The following RAB3IP variants were observed in gnomAD, a reference collection of about 807,000 sequenced individuals.
RAB3IP encodes the protein rab-3A-interacting protein.
RAB3IP carries 36 observed loss-of-function variants against 59.1 expected under a neutral mutation model. That is an observed-to-expected ratio of 0.61 (90% confidence interval 0.47 to 0.80). The LOEUF (loss-of-function observed/expected upper bound fraction) is 0.80. RAB3IP is among the 30% of genes least tolerant of loss of function. RAB3IP has a pLI of 0.00. For missense variants in RAB3IP, 511 were observed against 536.0 expected (o/e 0.95, Z 0.46); for synonymous variants, 207 against 191.2 (o/e 1.08, Z -0.68).
Position 69,815,513 on chromosome 12 carries a change from A to G in RAB3IP, c.*67A>G, listed in dbSNP as rs1214575892. On this transcript the variant is annotated 3_prime_UTR_variant, in exon 11 of 11. Transcript: ENST00000247833. ...AAAATGGCTGAATATTTTTATGGTT[A>G]CTTGATATTTATTTCCAAGGAGTGA... The G allele has an allele frequency of 1.8e-6, 2 of 1,133,210 alleles. No individual in the cohort carries two copies. Among genetic ancestry groups the G allele is most frequent in the Non-Finnish European group, 2.7e-6 (2 of 752,506 alleles). The allele number at this position is 1,133,210 out of a possible 1,614,324, so 70.2% of individuals were successfully genotyped here. A position where few individuals can be genotyped will look rare whatever the true frequency, so the allele number is the denominator to read the frequency against.
At chr12:69,743,405 T>G (rs1887535351) in intron 1 of RAB3IP, among the ~76,000 whole-genome samples, 1 of 152,226 alleles carries the variant, frequency 6.6e-6, no homozygotes, top group Non-Finnish European at 1.5e-5. Flanking sequence ...TTACCTAAGA[T>G]AAATAAAGAT....
chr12:69,790,220 G>A (rs1015704813), intron 4 of RAB3IP, among the ~76,000 whole-genome samples: 7 of 152,190 alleles, frequency 4.6e-5, no homozygotes, highest in Non-Finnish European at 8.8e-5. Context: ...TGATAGGGTT[G>A]CAGGATACAA....
rs1293474132 is a variant in RAB3IP at position 69,817,650 on chromosome 12, A to ATT, written c.*2206_*2207dup. ...GGCCTGGGAAAAATAGGGAAACTCCATTTACACACACACACACACACACAC... is the reference window on the plus strand; with the variant it reads ...GGCCTGGGAAAAATAGGGAAACTCCATTTTTACACACACACACACACACACAC... On this transcript the variant is annotated 3_prime_UTR_variant, in exon 11 of 11. Coordinates refer to ENST00000247833, the MANE Select transcript of RAB3IP (RefSeq NM_022456.5). The ATT allele has an allele frequency of 1.6e-5, 2 of 126,442 alleles. No individual in the cohort carries two copies. The highest frequency in any genetic ancestry group is 3.3e-5 in the Non-Finnish European group (2 of 59,894). The allele number at this position is 126,442 out of a possible 1,614,324, so 7.8% of individuals were successfully genotyped here.
intron 3 of RAB3IP, among the ~76,000 whole-genome samples, chr12:69,764,499 C>G (rs2136154423): frequency 6.6e-6 from 1 of 152,232 alleles, no homozygotes; most frequent in East Asian, 1.9e-4. Context: ...TTCCATTAGT[C>G]TATGTGTCTG....
At chr12:69,769,814 T>C (rs80164657) in intron 3 of RAB3IP, among the ~76,000 whole-genome samples, 9,185 of 152,314 alleles carry the variant, frequency 0.06, 407 homozygotes, top group South Asian at 0.17. Context: ...TTGTACATTT[T>C]TTTCAACTAA....
In RAB3IP at chr12:69,821,010, A is replaced by G. The variant is rs1881685200; in HGVS notation, c.*5564A>G. 1 of 152,186 alleles carries G rather than the reference A, an allele frequency of 6.6e-6. No individual in the cohort carries two copies. The highest frequency in any genetic ancestry group is 1.5e-5 in the Non-Finnish European group (1 of 68,038). 9.4% of individuals were successfully genotyped at this position (152,186 alleles called of 1,614,324 possible). A position where few individuals can be genotyped will look rare whatever the true frequency, so the allele number is the denominator to read the frequency against. On this transcript the variant is annotated 3_prime_UTR_variant, in exon 11 of 11. Coordinates refer to ENST00000247833, the MANE Select transcript of RAB3IP (RefSeq NM_022456.5). Reference sequence around the variant, plus strand: ...GTAGAAGAGGACTAAACTTGATAAAATATTAAAAGAATTGAAACCCTTCCT... The same window carrying G: ...GTAGAAGAGGACTAAACTTGATAAAGTATTAAAAGAATTGAAACCCTTCCT...
rs549460046 is a variant in RAB3IP at position 69,817,963 on chromosome 12, C to A, written c.*2517C>A. The A allele has an allele frequency of 6.6e-6, 1 of 152,154 alleles. No homozygotes were observed. Among genetic ancestry groups the A allele is most frequent in the Admixed American group, 6.5e-5 (1 of 15,278 alleles). The allele number at this position is 152,154 out of a possible 1,614,324, so 9.4% of individuals were successfully genotyped here. On this transcript the variant is annotated 3_prime_UTR_variant, in exon 11 of 11. Coordinates refer to ENST00000247833, the MANE Select transcript of RAB3IP (RefSeq NM_022456.5). ...CACACAATTAGAAGTGCATGTGGGC[C>A]AATAAACATTAAGAGGTTTTCATCT...
intron 8 of RAB3IP, 132 bp from the exon 9 acceptor site, chr12:69,812,646 T>G (rs112032925): frequency 1.3e-5 from 8 of 639,104 alleles, no homozygotes; most frequent in Admixed American, 5.8e-5. Context: ...TAGCCCAGCA[T>G]CTAGAACGGT....
At chr12:69,794,565 T>G (rs770598759) in intron 5 of RAB3IP, 51 bp downstream of exon 5, 19 of 1,389,130 alleles carry the variant, frequency 1.4e-5, no homozygotes, top group Non-Finnish European at 1.9e-5. Flanking sequence ...GATAACTGTT[T>G]TAAAGATACC....
chr12:69,756,573 T>C lies in RAB3IP; in HGVS notation c.420T>C (p.Asp140=), dbSNP rs1592464478. The change falls in exon 3 of 11, where the codon GAT becomes GAC. Residue 140 remains aspartate, a synonymous_variant. Transcript: ENST00000247833. ...ATGATATTTTTGGGTTGAGTACTGA[T>C]AGTCTGTCTCGTTTACGAAGCCCAT... ...GSDDIFGLST[D]SLSRLRSPSV... The C allele has an allele frequency of 6.2e-6, 10 of 1,614,088 alleles. No individual in the cohort carries two copies. In the East Asian group the frequency reaches 1.8e-4, roughly 29 times the overall value.
At position 69,818,949 on chromosome 12, in the gene RAB3IP, C is replaced by T. The variant is rs1881419292; in HGVS notation, c.*3503C>T. ...CATGAGCTGGGTGTAGTGGTGCGTG[C>T]TTATAGTCCCAGCTACTTGGGAGTC... On this transcript the variant is annotated 3_prime_UTR_variant, in exon 11 of 11. Transcript: ENST00000247833. 6.6e-6 allele frequency: 1 copy of T among 152,056 alleles called. No individual in the cohort carries two copies. Among genetic ancestry groups the T allele is most frequent in the Admixed American group, 6.6e-5 (1 of 15,254 alleles). 9.4% of individuals were successfully genotyped at this position (152,056 alleles called of 1,614,324 possible).
At chr12:69,763,488 CT>C (rs1374231448) in intron 3 of RAB3IP, among the ~76,000 whole-genome samples, 1 of 152,216 alleles carries the variant, frequency 6.6e-6, no homozygotes, top group Admixed American at 6.5e-5. Context: ...ACTTCCACCT[CT>C]TGGTAGCCAT....
In RAB3IP at chr12:69,819,484, T is replaced by G. The variant is rs1881476657; in HGVS notation, c.*4038T>G. On this transcript the variant is annotated 3_prime_UTR_variant, in exon 11 of 11. Coordinates refer to ENST00000247833, the MANE Select transcript of RAB3IP (RefSeq NM_022456.5). ...AGTAAGGTCAGTCCAGGAGAAAATT[T>G]GGGGAGTAGTTAGCCATGGGATCAG... The G allele has an allele frequency of 6.6e-6, 1 of 152,258 alleles. No homozygotes were observed. The highest frequency in any genetic ancestry group is 6.6e-5 in the Admixed American group (1 of 15,266). The allele number at this position is 152,258 out of a possible 1,614,324, so 9.4% of individuals were successfully genotyped here.
chr12:69,813,942 A>G (rs927333261), intron 10 of RAB3IP, among the ~76,000 whole-genome samples: 1 of 152,114 alleles, frequency 6.6e-6, no homozygotes, highest in Non-Finnish European at 1.5e-5. Flanking sequence ...AAAATGTCAT[A>G]TTTCTTTAAA....
At chr12:69,739,954 C>A in intron 1 of RAB3IP, 1 of 1,306,946 alleles carries the variant, frequency 7.7e-7, no homozygotes, top group South Asian at 1.2e-5. Context: ...GTTGCCTGTT[C>A]GGAGGCTACC....
At chr12:69,762,260 A>G (rs1871425974) in intron 3 of RAB3IP, among the ~76,000 whole-genome samples, 1 of 152,198 alleles carries the variant, frequency 6.6e-6, no homozygotes. Context: ...TCTGAAGAGC[A>G]GCTTTTAGTG....
At chr12:69,796,849 C>G (rs761628625) in intron 6 of RAB3IP, among the ~76,000 whole-genome samples, 13 of 152,130 alleles carry the variant, frequency 8.5e-5, no homozygotes, top group Non-Finnish European at 1.5e-4. Flanking sequence ...GTACTTTCCC[C>G]CCTATTTACA....
chr12:69,802,405 A>G (rs1023226813), intron 8 of RAB3IP, among the ~76,000 whole-genome samples: 10 of 152,212 alleles, frequency 6.6e-5, no homozygotes, highest in Non-Finnish European at 1.3e-4. Context: ...ATCTTCAGAG[A>G]TAAGACTCCC....
At chr12:69,806,684 G>A (rs866060344) in intron 8 of RAB3IP, among the ~76,000 whole-genome samples, 53 of 149,620 alleles carry the variant, frequency 3.5e-4, no homozygotes, top group African/African-American at 1.1e-3. Flanking sequence ...AGATAAACAC[G>A]TGAACAAAGG....
Sources: gnomAD v4.1 joint callset for allele counts (sites outside exome capture counted in the v4.1 genomes callset) on GRCh38, gnomAD v4.1.1 for gene constraint, MANE v1.5 for transcripts, NCBI Gene and HGNC (gene_info 2026-07-23, HGNC 2026-07-21) for gene names.